The following PLEKHG4B variants were observed in gnomAD, a reference collection of about 807,000 sequenced individuals.
PLEKHG4B encodes the protein pleckstrin homology domain-containing family G member 4B.
PLEKHG4B carries 111 observed loss-of-function variants against 121.3 expected under a neutral mutation model. The observed-to-expected ratio is 0.92, with a 90% CI of 0.78 to 1.07. The LOEUF is 1.07. Ranked by LOEUF, PLEKHG4B falls within the 50% of genes least tolerant of loss-of-function variation. The probability of loss-of-function intolerance (pLI) is 0.00; values close to 1 mark genes in which losing one functional copy is unlikely to be tolerated. For synonymous variants in PLEKHG4B, 738 were observed against 725.0 expected, an observed-to-expected ratio of 1.02 and a Z score of -0.29; for missense variants, 1,831 against 1,757.8, an observed-to-expected ratio of 1.04 and a Z score of -0.74.
At chr5:146,837 G>A (rs1465920884) in intron 6 of PLEKHG4B, among the ~76,000 whole-genome samples, 1 of 150,128 alleles carries the variant, frequency 6.7e-6, no homozygotes, top group African/African-American at 2.5e-5. Context: ...TTGCCTTAGA[G>A]TGAACCTGCC....
chr5:123,446 G>T (rs931321838), intron 2 of PLEKHG4B, among the ~76,000 whole-genome samples: 10 of 152,054 alleles, frequency 6.6e-5, no homozygotes, highest in Non-Finnish European at 1.5e-4. Flanking sequence ...TTAGAGAAGG[G>T]GTGGTATTCT....
intron 9 of PLEKHG4B, 52 bp downstream of exon 9, chr5:155,495 G>A (rs1455035842): frequency 7.1e-7 from 1 of 1,408,742 alleles, no homozygotes; most frequent in East Asian, 2.3e-5. Context: ...GGTAGGTGGG[G>A]GCATAAAGGT....
chr5:175,863 G>A (rs545474282), intron 18 of PLEKHG4B, among the ~76,000 whole-genome samples: 1 of 22,866 alleles, frequency 4.4e-5, no homozygotes, highest in South Asian at 1.3e-3. Context: ...CCTCCAGGCA[G>A]ACACGACCAG....
At chr5:100,990 G>T (rs1428190211) in intron 1 of PLEKHG4B, among the ~76,000 whole-genome samples, 2 of 98,320 alleles carry the variant, frequency 2.0e-5, no homozygotes, top group Non-Finnish European at 3.9e-5. Context: ...GTCTGTAGGG[G>T]AGAGACTGTT....
At chr5:174,606 G>A (rs940383270) in intron 18 of PLEKHG4B, among the ~76,000 whole-genome samples, 5 of 152,172 alleles carry the variant, frequency 3.3e-5, no homozygotes, top group Non-Finnish European at 7.4e-5. Context: ...CCCGAAGTGG[G>A]GAGGTTTAAG....
intron 2 of PLEKHG4B, among the ~76,000 whole-genome samples, chr5:124,606 T>A (rs1734559090): frequency 6.6e-6 from 1 of 152,258 alleles, no homozygotes; most frequent in South Asian, 2.1e-4. Context: ...TTATATCTTC[T>A]TGCTGTATTT....
intron 1 of PLEKHG4B, among the ~76,000 whole-genome samples, chr5:109,615 G>A (rs1013159335): frequency 1.3e-5 from 2 of 152,158 alleles, no homozygotes; most frequent in Admixed American, 6.5e-5. Flanking sequence ...TGCGAGCCAG[G>A]GAGTGCAGAT....
chr5:181,481 C>G (rs920084949), intron 18 of PLEKHG4B, 33 bp from the exon 19 acceptor site: 1 of 1,603,288 alleles, frequency 6.2e-7, no homozygotes, highest in Non-Finnish European at 8.5e-7. Context: ...CCCCGAGTTG[C>G]TTTGGAAACT....
rs969517707 is a variant in PLEKHG4B at position 93,479 on chromosome 5, C to G, written c.45+1203C>G. ...CCACTGGGAAGCAGTGTTTGGTGACCCCCCCACCGAGAAGTGGGTTCATAT... is the reference window on the plus strand; with the variant it reads ...CCACTGGGAAGCAGTGTTTGGTGACGCCCCCACCGAGAAGTGGGTTCATAT... On this transcript the variant is annotated intron_variant, in intron 1 of 19. Transcript: ENST00000637938. Among the ~76,000 whole-genome samples the G allele has an allele frequency of 5.3e-5, 8 of 151,284 alleles. No homozygotes were observed. The East Asian group carries it at 1.6e-3, about 29-fold the overall frequency.
rs772599664 is a variant in PLEKHG4B at position 162,774 on chromosome 5, T to C, written c.2702T>C (p.Val901Ala). The change falls in exon 13 of 20, where the codon GTG (valine) becomes GCG (alanine). Residue 901 changes from valine to alanine, a missense_variant. Transcript: ENST00000637938. ...CCGGAGGCTTGTCCCTCCTCACCCGTGGCTGAGTGTTTGAGGAGCTGTCAC... is the reference window on the plus strand; with the variant it reads ...CCGGAGGCTTGTCCCTCCTCACCCGCGGCTGAGTGTTTGAGGAGCTGTCAC... ...LDPEACPSSP[V>A]AECLRSCHQE... The C allele has an allele frequency of 1.6e-5, 24 of 1,481,696 alleles. No homozygotes were observed. In the East Asian group the frequency reaches 5.6e-4, roughly 34 times the overall value. 91.8% of individuals were successfully genotyped at this position (1,481,696 alleles called of 1,614,324 possible).
intron 2 of PLEKHG4B, among the ~76,000 whole-genome samples, chr5:138,335 G>T (rs149652514): frequency 1.8e-3 from 276 of 152,208 alleles, no homozygotes; most frequent in African/African-American, 6.4e-3. Flanking sequence ...TTCTCCCCTT[G>T]CGTGAAGTTT....
In PLEKHG4B at chr5:182,889, A is replaced by C. The variant is rs1341830570; in HGVS notation, c.*566A>C. On this transcript the variant is annotated 3_prime_UTR_variant, in exon 20 of 20. Transcript: ENST00000637938. ...TCCAGCACCTAGTGGGTTGCTACCC[A>C]TTCGCACACTCAAACAGGGAGGCTA... 2 of 157,348 alleles carry C rather than the reference A, an allele frequency of 1.3e-5. No homozygotes were observed. Among genetic ancestry groups the C allele is most frequent in the African/African-American group, 2.4e-5 (1 of 41,492 alleles). 9.7% of individuals were successfully genotyped at this position (157,348 alleles called of 1,614,324 possible). A position where few individuals can be genotyped will look rare whatever the true frequency, so the allele number is the denominator to read the frequency against.
At chr5:167,678 C>T (rs1387116352) in intron 13 of PLEKHG4B, among the ~76,000 whole-genome samples, 2 of 152,204 alleles carry the variant, frequency 1.3e-5, no homozygotes, top group Non-Finnish European at 2.9e-5. Context: ...CCCAGAGAAC[C>T]TTCTCCTGGA....
rs1204204289 is a variant in PLEKHG4B, at chr5:170,740, C to T, written c.3730-303C>T. Among the ~76,000 whole-genome samples, 5 of 152,292 alleles carry T rather than the reference C, an allele frequency of 3.3e-5. No homozygotes were observed. In the East Asian group the frequency reaches 9.6e-4, roughly 29 times the overall value. On this transcript the variant is annotated intron_variant, in intron 14 of 19. Coordinates refer to ENST00000637938, the MANE Select transcript of PLEKHG4B (RefSeq NM_052909.5). ...CCAATGCCCCCCACGCCCTCCCAGG[C>T]CCACTGCCAGCTGCATCCTCTTCCC...
In PLEKHG4B at chr5:164,579, ACACAGTAATGCTGTGACGGAGCGGAGCT is replaced by A. The variant is rs1560944868; in HGVS notation, c.3476+1064_3476+1091del. On this transcript the variant is annotated intron_variant, in intron 13 of 19. Transcript: ENST00000637938. The stretch of plus-strand genomic sequence containing the variant: ...AATGCTCTGACAGGGGGCGGAGCTC[ACACAGTAATGCTGTGACGGAGCGGAGCT>A]CACAGTAATGCTGTGACGGAGCGGA... Among the ~76,000 whole-genome samples, 54 of 106,970 alleles carry A rather than the reference ACACAGTAATGCTGTGACGGAGCGGAGCT, an allele frequency of 5.0e-4. 5 individuals are homozygous for A. Among genetic ancestry groups the A allele is most frequent in the Admixed American group, 5.8e-4 (7 of 11,968 alleles). 70.2% of individuals were successfully genotyped at this position (106,970 alleles called of 152,430 possible).
chr5:126,163 A>G (rs1016180247), intron 2 of PLEKHG4B, among the ~76,000 whole-genome samples: 1 of 152,170 alleles, frequency 6.6e-6, no homozygotes, highest in Non-Finnish European at 1.5e-5. Flanking sequence ...AAGTTTTCAC[A>G]CATTATTTCT....
At chr5:181,401 T>C (rs1224874404) in intron 18 of PLEKHG4B, 113 bp from the exon 19 acceptor site, 28 of 1,157,848 alleles carry the variant, frequency 2.4e-5, no homozygotes, top group Non-Finnish European at 3.4e-5. Flanking sequence ...AGGGTGGGTA[T>C]ACCCTGTACA....
Position 140,502 on chromosome 5 carries a change from C to A in PLEKHG4B, c.1263C>A (p.Pro421=). ...GTCTAGAGAAGGAGAGGCACACACC[C>A]AGCCGGACAGGTCCAGGAGCTGCAG... ...TPSLEKERHT[P]SRTGPGAAGR... The change falls in exon 3 of 20, where the codon CCC becomes CCA. Residue 421 remains proline (P), a synonymous_variant. Transcript: ENST00000637938. The A allele has an allele frequency of 6.3e-7, 1 of 1,596,424 alleles. No individual in the cohort carries two copies. Among genetic ancestry groups the A allele is most frequent in the East Asian group, 2.3e-5 (1 of 44,022 alleles).
At chr5:174,317 G>GC (rs1251564824) in intron 18 of PLEKHG4B, among the ~76,000 whole-genome samples, 20 of 125,586 alleles carry the variant, frequency 1.6e-4, no homozygotes, top group African/African-American at 6.1e-4. Context: ...GAATCCAGGG[G>GC]CCAGGGGGCC....
Sources: allele counts gnomAD v4.1 joint callset (sites outside exome capture counted in the v4.1 genomes callset), GRCh38; gene constraint gnomAD v4.1.1; transcripts MANE v1.5; gene names NCBI Gene and HGNC (gene_info 2026-07-23, HGNC 2026-07-21).